The following MGAT5 variants were observed in gnomAD, a reference collection of about 807,000 sequenced individuals.
MGAT5 encodes alpha-1,6-mannosylglycoprotein 6-beta-N-acetylglucosaminyltransferase A.
MGAT5 carries 30 observed loss-of-function variants against 94.3 expected under a neutral mutation model. That is an observed-to-expected ratio of 0.32 (90% CI 0.24 to 0.43). MGAT5 has a LOEUF of 0.43. Ranked by LOEUF, MGAT5 falls within the 20% of genes least tolerant of loss-of-function variation. The pLI is 1.00. For missense variants in MGAT5, 691 were observed against 905.5 expected, an observed-to-expected ratio of 0.76 and a Z score of 3.04; for synonymous variants, 310 against 322.9, an observed-to-expected ratio of 0.96 and a Z score of 0.43.
chr2:134,257,519 G>T (rs1321464305), intron 1 of MGAT5, among the ~76,000 whole-genome samples: 2 of 152,196 alleles, frequency 1.3e-5, no homozygotes, highest in Non-Finnish European at 2.9e-5. Context: ...GCTGTGCCTG[G>T]CCTGGTTTTA....
At chr2:134,355,294 A>G (rs1308144573) in intron 9 of MGAT5, among the ~76,000 whole-genome samples, 6 of 152,178 alleles carry the variant, frequency 3.9e-5, no homozygotes, top group Admixed American at 3.9e-4. Context: ...TACTTGTCAC[A>G]TACGTACTAA....
chr2:134,288,708 G>T (rs1288743001), intron 2 of MGAT5, among the ~76,000 whole-genome samples: 1 of 152,108 alleles, frequency 6.6e-6, no homozygotes, highest in East Asian at 1.9e-4. Flanking sequence ...TTCAAATGAT[G>T]TATGTGAGTG....
chr2:134,372,576 A>T (rs552537253), intron 10 of MGAT5, among the ~76,000 whole-genome samples: 1 of 152,232 alleles, frequency 6.6e-6, no homozygotes. Context: ...TACTCTTCTC[A>T]GTGTCCCTCC....
At chr2:134,384,751 T>C (rs1681865524) in intron 10 of MGAT5, among the ~76,000 whole-genome samples, 1 of 151,836 alleles carries the variant, frequency 6.6e-6, no homozygotes, top group Admixed American at 6.6e-5. Flanking sequence ...GCCAAACCAC[T>C]GCAAATCAAA....
chr2:134,321,849 C>T (rs755032374), intron 4 of MGAT5, among the ~76,000 whole-genome samples: 1 of 152,062 alleles, frequency 6.6e-6, no homozygotes, highest in Non-Finnish European at 1.5e-5. Flanking sequence ...GTAACTGAAC[C>T]AGGAGAATGG....
At chr2:134,224,582 A>AG (rs1375606873) in intron 1 of MGAT5, among the ~76,000 whole-genome samples, 3 of 152,202 alleles carry the variant, frequency 2.0e-5, no homozygotes, top group African/African-American at 7.2e-5. Flanking sequence ...AGAAAAGGAT[A>AG]GGAACACACA....
chr2:134,242,619 C>T (rs1254200213), intron 1 of MGAT5, among the ~76,000 whole-genome samples: 1 of 152,104 alleles, frequency 6.6e-6, no homozygotes, highest in African/African-American at 2.4e-5. Flanking sequence ...TTATAAACAC[C>T]AATTGATTCT....
chr2:134,195,893 G>A (rs1679474147), intron 1 of MGAT5, among the ~76,000 whole-genome samples: 1 of 152,180 alleles, frequency 6.6e-6, no homozygotes, highest in Non-Finnish European at 1.5e-5. Context: ...GACCAGAGGG[G>A]TCTAGGCTTT....
At chr2:134,341,861 A>G in intron 7 of MGAT5, 102 bp downstream of exon 7, 3 of 980,520 alleles carry the variant, frequency 3.1e-6, no homozygotes, top group Non-Finnish European at 4.4e-6. Context: ...GTCGAGGAAA[A>G]TGAAAGTGAT....
intron 4 of MGAT5, among the ~76,000 whole-genome samples, chr2:134,331,300 G>A (rs1573827453): frequency 2.6e-5 from 4 of 152,248 alleles, no homozygotes; most frequent in East Asian, 1.9e-4. Context: ...CATGGAATGT[G>A]CATTGATGTT....
chr2:134,131,221 G>A (rs771198579), intron 1 of MGAT5, among the ~76,000 whole-genome samples: 5 of 152,260 alleles, frequency 3.3e-5, no homozygotes, highest in African/African-American at 9.6e-5. Context: ...AACAAACTCC[G>A]GTCACGCTGC....
chr2:134,256,607 A>G (rs1459729325), intron 1 of MGAT5, among the ~76,000 whole-genome samples: 1 of 152,222 alleles, frequency 6.6e-6, no homozygotes, highest in African/African-American at 2.4e-5. Context: ...TTAGCTTTTC[A>G]GCCTCACAGA....
At chr2:134,430,365 T>C (rs1198774570) in intron 14 of MGAT5, among the ~76,000 whole-genome samples, 1 of 152,244 alleles carries the variant, frequency 6.6e-6, no homozygotes, top group Non-Finnish European at 1.5e-5. Context: ...TAAGCCTTGC[T>C]GGGCTTCCTT....
At chr2:134,375,341 C>G (rs1230565386) in intron 10 of MGAT5, among the ~76,000 whole-genome samples, 1 of 152,176 alleles carries the variant, frequency 6.6e-6, no homozygotes, top group African/African-American at 2.4e-5. Flanking sequence ...TGTCTCCAAC[C>G]CATCCTCTCA....
intron 14 of MGAT5, among the ~76,000 whole-genome samples, chr2:134,434,516 A>G (rs1685063264): frequency 6.6e-6 from 1 of 152,240 alleles, no homozygotes; most frequent in African/African-American, 2.4e-5. Flanking sequence ...TTTTTGCTGC[A>G]TAGGAGCTCG....
chr2:134,387,332 A>ATATATATATATATATATAT, intron 10 of MGAT5, among the ~76,000 whole-genome samples: 1 of 24,264 alleles, frequency 4.1e-5, no homozygotes, highest in Non-Finnish European at 6.4e-5. Context: ...ATATATATAT[A>ATATATATATATATATATAT]TTTTTTTTTT....
At chr2:134,416,645 T>G (rs1216787040) in intron 12 of MGAT5, among the ~76,000 whole-genome samples, 1 of 152,040 alleles carries the variant, frequency 6.6e-6, no homozygotes, top group Admixed American at 6.6e-5. Flanking sequence ...CTACTCTTTT[T>G]ATATTTGGTA....
At chr2:134,392,199 A>T (rs1573998741) in intron 10 of MGAT5, among the ~76,000 whole-genome samples, 1 of 152,342 alleles carries the variant, frequency 6.6e-6, no homozygotes, top group East Asian at 1.9e-4. Flanking sequence ...CTGCTTGCAA[A>T]TTAGACACTT....
chr2:134,374,772 C>T (rs892463238), intron 10 of MGAT5, among the ~76,000 whole-genome samples: 1 of 152,138 alleles, frequency 6.6e-6, no homozygotes, highest in African/African-American at 2.4e-5. Flanking sequence ...GTGGGCAGAT[C>T]ACTTGAGCCT....
Sources: gnomAD v4.1 joint callset for allele counts (sites outside exome capture counted in the v4.1 genomes callset) on GRCh38, gnomAD v4.1.1 for gene constraint, MANE v1.5 for transcripts, NCBI Gene and HGNC (gene_info 2026-07-23, HGNC 2026-07-21) for gene names.